The following BICC1 variants were observed in gnomAD, a reference collection of about 807,000 sequenced individuals.
BICC1 encodes the protein BicC family RNA binding protein 1, also known as protein bicaudal C homolog 1.
Under a neutral mutation model 111.0 loss-of-function variants are expected in BICC1, and 43 were observed. The observed-to-expected ratio is 0.39, with a 90% CI of 0.30 to 0.50. The LOEUF is 0.50. Among genes scored for constraint, BICC1 ranks in the 20% least tolerant of loss-of-function variants. BICC1 has a pLI of 0.88. For missense variants in BICC1, 1,091 were observed against 1,203.2 expected, an observed-to-expected ratio of 0.91 and a Z score of 1.38; for synonymous variants, 467 against 434.4, an observed-to-expected ratio of 1.07 and a Z score of -0.93.
chr10:58,623,581 T>C (rs546026015), intron 2 of BICC1, among the ~76,000 whole-genome samples: 2 of 152,340 alleles, frequency 1.3e-5, no homozygotes, highest in South Asian at 2.1e-4. Flanking sequence ...CGTTGTCCTC[T>C]TATGTAACGT....
At chr10:58,514,958 G>C (rs1382344520) in intron 1 of BICC1, among the ~76,000 whole-genome samples, 1 of 152,188 alleles carries the variant, frequency 6.6e-6, no homozygotes, top group African/African-American at 2.4e-5. Flanking sequence ...TTCTACATTA[G>C]TTTGGAGTGA....
chr10:58,812,482 C>CTTTTT (rs113293082), intron 17 of BICC1, among the ~76,000 whole-genome samples: 3 of 142,070 alleles, frequency 2.1e-5, no homozygotes, highest in African/African-American at 2.6e-5. Context: ...CTTTTCTTTT[C>CTTTTT]TTTTTTTTTT....
chr10:58,803,482 G>A (rs1309262684), intron 15 of BICC1, among the ~76,000 whole-genome samples: 1 of 152,166 alleles, frequency 6.6e-6, no homozygotes, highest in Non-Finnish European at 1.5e-5. Flanking sequence ...AATGGTCTGT[G>A]TCACTGTCTT....
chr10:58,649,989 A>G (rs1470276154), intron 2 of BICC1: 1 of 152,138 alleles, frequency 6.6e-6, no homozygotes, highest in Non-Finnish European at 1.5e-5. Context: ...ATATTGACCC[A>G]CTACTTGACT....
intron 2 of BICC1, among the ~76,000 whole-genome samples, chr10:58,627,505 T>C (rs1231357029): frequency 1.3e-5 from 2 of 152,354 alleles, no homozygotes; most frequent in East Asian, 3.9e-4. Context: ...GACTTCCTCA[T>C]TTATGGTTGA....
At chr10:58,590,832 A>C (rs1195138641) in intron 1 of BICC1, among the ~76,000 whole-genome samples, 2 of 152,228 alleles carry the variant, frequency 1.3e-5, no homozygotes, top group Non-Finnish European at 2.9e-5. Context: ...CACATAAATA[A>C]AATAAGATTG....
intron 3 of BICC1, among the ~76,000 whole-genome samples, chr10:58,756,274 A>T (rs1176868287): frequency 6.6e-6 from 1 of 151,994 alleles, no homozygotes; most frequent in Non-Finnish European, 1.5e-5. Context: ...CGTTTTTTGC[A>T]TTTCCACGTA....
At chr10:58,540,161 A>C (rs1189241667) in intron 1 of BICC1, among the ~76,000 whole-genome samples, 1 of 151,976 alleles carries the variant, frequency 6.6e-6, no homozygotes, top group African/African-American at 2.4e-5. Context: ...AAACATCCAT[A>C]TTAAGAAAAT....
chr10:58,797,834 CAG>C (rs1482447731), intron 10 of BICC1, among the ~76,000 whole-genome samples: 1 of 151,618 alleles, frequency 6.6e-6, no homozygotes, highest in African/African-American at 2.4e-5. Context: ...CAAAAAAAAA[CAG>C]TATTTTTTTC....
At chr10:58,717,607 A>G (rs1011613121) in intron 3 of BICC1, among the ~76,000 whole-genome samples, 2 of 152,242 alleles carry the variant, frequency 1.3e-5, no homozygotes, top group Non-Finnish European at 2.9e-5. Flanking sequence ...TGCATGAAAT[A>G]CCATTGCATG....
chr10:58,686,596 TCTTA>T (rs1257608655), intron 2 of BICC1, among the ~76,000 whole-genome samples: 1 of 152,112 alleles, frequency 6.6e-6, no homozygotes, highest in Admixed American at 6.5e-5. Flanking sequence ...AAACTTCTCT[TCTTA>T]CTTCATTTCA....
chr10:58,765,302 C>T (rs919609052), intron 3 of BICC1, among the ~76,000 whole-genome samples: 3 of 70,868 alleles, frequency 4.2e-5, no homozygotes, highest in African/African-American at 8.1e-5. Context: ...GCCATCCACC[C>T]ACCTCAGCCT....
At chr10:58,683,730 C>G (rs948443655) in intron 2 of BICC1, among the ~76,000 whole-genome samples, 3 of 152,114 alleles carry the variant, frequency 2.0e-5, no homozygotes, top group African/African-American at 7.2e-5. Context: ...GATTTTGTAT[C>G]CTGAGATTTG....
intron 3 of BICC1, among the ~76,000 whole-genome samples, chr10:58,739,362 C>T (rs907451486): frequency 6.6e-6 from 1 of 152,102 alleles, no homozygotes; most frequent in Non-Finnish European, 1.5e-5. Flanking sequence ...GTCTTTGGTT[C>T]TGTTTATATG....
At chr10:58,718,669 AT>A (rs1388463617) in intron 3 of BICC1, among the ~76,000 whole-genome samples, 1 of 152,190 alleles carries the variant, frequency 6.6e-6, no homozygotes, top group Admixed American at 6.5e-5. Context: ...GAAAGTATGT[AT>A]TAACATTAAG....
intron 2 of BICC1, among the ~76,000 whole-genome samples, chr10:58,646,785 G>C (rs1838282394): frequency 3.9e-5 from 1 of 25,974 alleles, no homozygotes; most frequent in Non-Finnish European, 8.9e-5. Context: ...TTTCTTGCCT[G>C]TTCCTGATTT....
rs1437011780 is a variant in BICC1 at position 58,789,717 on chromosome 10, G to C, written c.831G>C (p.Gly277=). 1 of 1,613,938 alleles carries C rather than the reference G, an allele frequency of 6.2e-7. No individual in the cohort carries two copies. Among genetic ancestry groups the C allele is most frequent in the Non-Finnish European group, 8.5e-7 (1 of 1,180,004 alleles). ...GTAMLLEHLA[G]SLASAIPVST... ...CCATGCTGTTAGAACATCTTGCTGG[G>C]AGCTTAGCATCAGCTATTCCTGTGA... The change falls in exon 8 of 21, where the codon GGG becomes GGC. Residue 277 remains glycine (G), a synonymous_variant. Coordinates refer to ENST00000373886, the MANE Select transcript of BICC1 (RefSeq NM_001080512.3).
chr10:58,823,451 C>A (rs986616305), intron 20 of BICC1: 3 of 983,796 alleles, frequency 3.0e-6, no homozygotes, highest in Non-Finnish European at 3.6e-6. Context: ...TATCTCTGTG[C>A]ATCACATTTA....
At chr10:58,533,605 A>G (rs1327874642) in intron 1 of BICC1, among the ~76,000 whole-genome samples, 1 of 151,872 alleles carries the variant, frequency 6.6e-6, no homozygotes, top group Non-Finnish European at 1.5e-5. Context: ...TTTAAAAGTG[A>G]AGAATAAATA....
Sources: gnomAD v4.1 joint callset for allele counts (sites outside exome capture counted in the v4.1 genomes callset) on GRCh38, gnomAD v4.1.1 for gene constraint, MANE v1.5 for transcripts, NCBI Gene and HGNC (gene_info 2026-07-23, HGNC 2026-07-21) for gene names.